Variants in MGAT4C observed in about 807,000 individuals in gnomAD.
The protein encoded by MGAT4C is alpha-1,3-mannosyl-glycoprotein 4-beta-N-acetylglucosaminyltransferase C.
MGAT4C carries 19 observed loss-of-function variants against 40.1 expected under a neutral mutation model. The ratio of observed to expected loss-of-function variants is 0.47; its 90% CI spans 0.33 to 0.70. The LOEUF is 0.70. Among genes scored for constraint, MGAT4C ranks in the 30% least tolerant of loss-of-function variants. The pLI is 0.02. For synonymous variants in MGAT4C, 181 were observed against 187.1 expected, an observed-to-expected ratio of 0.97 and a Z score of 0.27; for missense variants, 491 against 563.2, an observed-to-expected ratio of 0.87 and a Z score of 1.30.
intron 1 of MGAT4C, among the ~76,000 whole-genome samples, chr12:86,751,360 G>T (rs902836295): frequency 2.0e-5 from 3 of 151,926 alleles, no homozygotes; most frequent in Non-Finnish European, 4.4e-5. Context: ...TGAGAATACT[G>T]CTGTACTTTT....
intron 1 of MGAT4C, among the ~76,000 whole-genome samples, chr12:86,240,030 A>AT (rs1951713554): frequency 3.0e-5 from 2 of 67,472 alleles, no homozygotes; most frequent in African/African-American, 7.3e-5. Context: ...GTATAATAAA[A>AT]AAAAAAAATA....
chr12:86,127,403 G>A (rs1185886135), intron 1 of MGAT4C, among the ~76,000 whole-genome samples: 1 of 152,160 alleles, frequency 6.6e-6, no homozygotes, highest in Non-Finnish European at 1.5e-5. Context: ...AGGACTGGAA[G>A]TTGCTCTGAG....
At chr12:85,983,870 C>A (rs1884913823) in intron 3 of MGAT4C, among the ~76,000 whole-genome samples, 200 bp from the exon 4 acceptor site, 1 of 152,070 alleles carries the variant, frequency 6.6e-6, no homozygotes, top group African/African-American at 2.4e-5. Context: ...TCCAGTAGCT[C>A]GCTCGCCTAT....
intron 2 of MGAT4C, among the ~76,000 whole-genome samples, chr12:86,647,803 A>G (rs1170306786): frequency 6.6e-6 from 1 of 151,956 alleles, no homozygotes; most frequent in African/African-American, 2.4e-5. Context: ...GTTTATCAGC[A>G]TTATGATAAA....
chr12:86,152,966 A>T (rs75156599), intron 1 of MGAT4C, among the ~76,000 whole-genome samples: 1 of 152,194 alleles, frequency 6.6e-6, no homozygotes, highest in East Asian at 1.9e-4. Flanking sequence ...TCCAGTTCAG[A>T]TCACTTTTCA....
intron 2 of MGAT4C, among the ~76,000 whole-genome samples, chr12:86,575,917 A>G (rs1960539917): frequency 1.3e-5 from 2 of 151,772 alleles, no homozygotes; most frequent in East Asian, 3.9e-4. Context: ...ACTGTTCTCC[A>G]TAGTGATTTT....
chr12:86,446,649 C>A (rs1420833482), intron 2 of MGAT4C, among the ~76,000 whole-genome samples: 2 of 95,608 alleles, frequency 2.1e-5, no homozygotes, highest in Non-Finnish European at 4.2e-5. Flanking sequence ...AAAATTACAT[C>A]ATGTAACTCA....
chr12:86,738,086 T>C (rs551255901), intron 1 of MGAT4C, among the ~76,000 whole-genome samples: 2 of 151,600 alleles, frequency 1.3e-5, no homozygotes, highest in African/African-American at 4.8e-5. Context: ...AACTTACTTA[T>C]AATCTGACTT....
At chr12:86,831,384 C>A in intron 1 of MGAT4C, among the ~76,000 whole-genome samples, 1 of 151,616 alleles carries the variant, frequency 6.6e-6, no homozygotes, top group East Asian at 1.9e-4. Context: ...ACTTCAGGGT[C>A]TATTTGTGAT....
At chr12:86,026,920 T>C (rs1190536979) in intron 2 of MGAT4C, among the ~76,000 whole-genome samples, 2 of 151,980 alleles carry the variant, frequency 1.3e-5, no homozygotes, top group Non-Finnish European at 2.9e-5. Flanking sequence ...CATTTGTGTA[T>C]CGTACCATTT....
At chr12:86,588,599 G>T (rs10776987) in intron 2 of MGAT4C, among the ~76,000 whole-genome samples, 2 of 151,932 alleles carry the variant, frequency 1.3e-5, no homozygotes, top group Non-Finnish European at 2.9e-5. Context: ...ACAGAATATA[G>T]ATTTTTTCAG....
chr12:86,407,986 A>G (rs1956508942), intron 3 of MGAT4C, among the ~76,000 whole-genome samples: 4 of 152,096 alleles, frequency 2.6e-5, no homozygotes, highest in Admixed American at 2.6e-4. Context: ...AAACATGGGT[A>G]TATATTGCAC....
At chr12:86,146,833 CTTT>C (rs10709270) in intron 1 of MGAT4C, among the ~76,000 whole-genome samples, 53 of 150,418 alleles carry the variant, frequency 3.5e-4, no homozygotes, top group Middle Eastern at 7.0e-3. Flanking sequence ...TAATTCTCTC[CTTT>C]TTTTTTTTTC....
At chr12:86,676,686 G>A (rs2136572110) in intron 2 of MGAT4C, among the ~76,000 whole-genome samples, 1 of 152,190 alleles carries the variant, frequency 6.6e-6, no homozygotes, top group South Asian at 2.1e-4. Context: ...CCAGGAGTTA[G>A]GAGGATTAAA....
intron 4 of MGAT4C, among the ~76,000 whole-genome samples, chr12:86,265,269 G>T (rs1033569746): frequency 1.3e-5 from 2 of 152,148 alleles, no homozygotes; most frequent in Non-Finnish European, 2.9e-5. Context: ...CAGGCAGAAC[G>T]AGCCCAGCAG....
intron 2 of MGAT4C, among the ~76,000 whole-genome samples, chr12:86,663,353 CAAAAAAA>C (rs58562873): frequency 1.6e-4 from 7 of 44,804 alleles, no homozygotes; most frequent in Non-Finnish European, 2.2e-4. Context: ...TCCTCTGTCT[CAAAAAAA>C]AAAAAAAAAA....
chr12:86,208,230 C>T (rs1950336162), intron 1 of MGAT4C, among the ~76,000 whole-genome samples: 1 of 152,206 alleles, frequency 6.6e-6, no homozygotes, highest in African/African-American at 2.4e-5. Context: ...CTTTGGGAGG[C>T]CGAGGCGGGC....
At chr12:86,181,097 G>T (rs1888068256) in intron 1 of MGAT4C, among the ~76,000 whole-genome samples, 1 of 152,050 alleles carries the variant, frequency 6.6e-6, no homozygotes, top group African/African-American at 2.4e-5. Context: ...TAAGTCTCAG[G>T]AGATCGTATC....
chr12:86,674,070 A>G (rs997728046), intron 2 of MGAT4C, among the ~76,000 whole-genome samples: 1 of 152,118 alleles, frequency 6.6e-6, no homozygotes, highest in East Asian at 1.9e-4. Context: ...CATCATAAAA[A>G]ACCCAAATTT....
Sources: gnomAD v4.1 joint callset for allele counts (sites outside exome capture counted in the v4.1 genomes callset) on GRCh38, gnomAD v4.1.1 for gene constraint, MANE v1.5 for transcripts, NCBI Gene and HGNC (gene_info 2026-07-23, HGNC 2026-07-21) for gene names.